PLPPR1: variants seen among roughly 807,000 people sequenced by gnomAD.
PLPPR1 encodes the protein phospholipid phosphatase-related protein type 1.
Under a neutral mutation model 33.1 loss-of-function variants are expected in PLPPR1, and 10 were observed. That is an observed-to-expected ratio of 0.30 (90% CI 0.19 to 0.51). PLPPR1 has a LOEUF of 0.51. PLPPR1 is among the 20% of genes least tolerant of loss of function. The pLI is 0.97. For synonymous variants in PLPPR1, 151 were observed against 151.0 expected (o/e 1.00, Z 0.00); for missense variants, 304 against 408.1 (o/e 0.74, Z 2.20).
chr9:101,184,403 A>G (rs544623005), intron 1 of PLPPR1, among the ~76,000 whole-genome samples: 1 of 152,040 alleles, frequency 6.6e-6, no homozygotes, highest in African/African-American at 2.4e-5. Flanking sequence ...AAATGAAGAC[A>G]TTAAAATTAA....
At position 101,065,300 on chromosome 9, in the gene PLPPR1, T is replaced by C. The variant is rs185080578; in HGVS notation, c.-46+36198T>C. On this transcript the variant is annotated intron_variant, in intron 1 of 7. Coordinates refer to ENST00000374874, the MANE Select transcript of PLPPR1 (RefSeq NM_207299.2). ...CAGAACTTCTTATTTGAAAAATGCC[T>C]CCTCTGCAGGGTATTGTAGATGTCA... is the stretch of plus-strand genomic sequence containing the variant. Among the ~76,000 whole-genome samples the C allele has an allele frequency of 2.6e-3, 389 of 152,184 alleles. 1 individual carries two copies. The highest frequency in any genetic ancestry group is 8.7e-3 in the African/African-American group (361 of 41,558).
At chr9:101,322,328 A>G (rs551751303) in intron 7 of PLPPR1, 2 of 152,120 alleles carry the variant, frequency 1.3e-5, no homozygotes, top group Admixed American at 1.3e-4. Flanking sequence ...TTTAAGTTCA[A>G]ATAAAAGACA....
intron 3 of PLPPR1, 149 bp from the exon 4 acceptor site, chr9:101,285,955 A>G: frequency 1.7e-6 from 1 of 586,612 alleles, no homozygotes; most frequent in Admixed American, 2.8e-5. Context: ...GAAGTGTTAA[A>G]TGCAAATTAC....
intron 1 of PLPPR1, among the ~76,000 whole-genome samples, chr9:101,110,035 A>G (rs2118572792): frequency 6.6e-6 from 1 of 152,330 alleles, no homozygotes; most frequent in South Asian, 2.1e-4. Flanking sequence ...ACAGTACTAA[A>G]AGAAAACAGC....
intron 1 of PLPPR1, among the ~76,000 whole-genome samples, chr9:101,033,677 A>C (rs748130652): frequency 6.6e-6 from 1 of 152,156 alleles, no homozygotes; most frequent in Admixed American, 6.5e-5. Flanking sequence ...AACAGTCCCA[A>C]CTGTGCCAGG....
rs1828981243 is a variant in PLPPR1 at position 101,312,792 on chromosome 9, T to C, written c.637-6T>C. 2 of 1,613,802 alleles carry C rather than the reference T, an allele frequency of 1.2e-6. No homozygotes were observed. Among genetic ancestry groups the C allele is most frequent in the East Asian group, 4.5e-5 (2 of 44,872 alleles). ...TGGTCACTCCCTGGCCTCTGTCCTA[T>C]TCCAGATGTATATTACAAGCACAAT... On this transcript the variant is annotated splice_region_variant and splice_polypyrimidine_tract_variant and intron_variant, in intron 5 of 7. Coordinates refer to ENST00000374874, the MANE Select transcript of PLPPR1 (RefSeq NM_207299.2).
chr9:101,117,879 A>C (rs1161321681), intron 1 of PLPPR1, among the ~76,000 whole-genome samples: 1 of 152,188 alleles, frequency 6.6e-6, no homozygotes, highest in Non-Finnish European at 1.5e-5. Context: ...GTATTCTCAT[A>C]ATCACCATAG....
chr9:101,154,137 T>C (rs1831640620), intron 1 of PLPPR1, among the ~76,000 whole-genome samples: 1 of 152,236 alleles, frequency 6.6e-6, no homozygotes, highest in South Asian at 2.1e-4. Flanking sequence ...GATTTTTGCA[T>C]TGATGTTCAT....
intron 1 of PLPPR1, among the ~76,000 whole-genome samples, chr9:101,129,244 G>A (rs1166737597): frequency 6.6e-6 from 1 of 151,934 alleles, no homozygotes; most frequent in Non-Finnish European, 1.5e-5. Flanking sequence ...TGGAGCAATT[G>A]GAACTCTCAT....
At chr9:101,309,540 A>G (rs1828919237) in intron 5 of PLPPR1, 79 bp downstream of exon 5, 2 of 1,473,802 alleles carry the variant, frequency 1.4e-6, no homozygotes, top group African/African-American at 1.4e-5. Context: ...CCATTCTTTC[A>G]TTGTCACTTA....
chr9:101,257,058 C>T (rs1040161475), intron 2 of PLPPR1, among the ~76,000 whole-genome samples: 2 of 152,026 alleles, frequency 1.3e-5, no homozygotes, highest in Non-Finnish European at 2.9e-5. Flanking sequence ...GTGGGGGAAG[C>T]TCTGTGTTCA....
intron 1 of PLPPR1, chr9:101,125,737 G>C (rs1831238435): frequency 1.2e-6 from 1 of 813,392 alleles, no homozygotes; most frequent in Non-Finnish European, 1.9e-6. Context: ...CAATGAATTT[G>C]TGGTTATAAT....
chr9:101,249,410 A>G (rs1485731083), intron 2 of PLPPR1, among the ~76,000 whole-genome samples: 1 of 152,078 alleles, frequency 6.6e-6, no homozygotes, highest in Non-Finnish European at 1.5e-5. Flanking sequence ...GGGGTGGCCC[A>G]ATTATAAACG....
At chr9:101,106,107 G>T (rs1830965376) in intron 1 of PLPPR1, among the ~76,000 whole-genome samples, 1 of 151,364 alleles carries the variant, frequency 6.6e-6, no homozygotes, top group South Asian at 2.1e-4. Flanking sequence ...TATCCAACTT[G>T]CCAGTCTGTG....
chr9:101,301,295 C>A (rs971952018), intron 4 of PLPPR1, among the ~76,000 whole-genome samples: 2 of 152,106 alleles, frequency 1.3e-5, no homozygotes, highest in Non-Finnish European at 2.9e-5. Flanking sequence ...TTTCTTATAT[C>A]TTTCCTGCAT....
At chr9:101,044,331 T>A (rs1830119937) in intron 1 of PLPPR1, among the ~76,000 whole-genome samples, 1 of 152,202 alleles carries the variant, frequency 6.6e-6, no homozygotes, top group African/African-American at 2.4e-5. Flanking sequence ...TAGACAACTT[T>A]GCAGTTCATA....
chr9:101,134,235 T>G (rs1220063892), intron 1 of PLPPR1, among the ~76,000 whole-genome samples: 1 of 152,204 alleles, frequency 6.6e-6, no homozygotes, highest in Non-Finnish European at 1.5e-5. Context: ...CTTTACTGAC[T>G]GCTTAAGAAT....
chr9:101,174,558 C>A (rs1444314186), intron 1 of PLPPR1, among the ~76,000 whole-genome samples: 1 of 152,138 alleles, frequency 6.6e-6, no homozygotes, highest in Non-Finnish European at 1.5e-5. Context: ...GTGGCTCTGA[C>A]TTTGCACAGC....
At chr9:101,131,957 T>C (rs1235769908) in intron 1 of PLPPR1, among the ~76,000 whole-genome samples, 1 of 152,210 alleles carries the variant, frequency 6.6e-6, no homozygotes, top group African/African-American at 2.4e-5. Context: ...CCAGCACTGA[T>C]ATGAGTTGAA....
Sources: allele counts gnomAD v4.1 joint callset (sites outside exome capture counted in the v4.1 genomes callset), GRCh38; gene constraint gnomAD v4.1.1; transcripts MANE v1.5; gene names NCBI Gene and HGNC (gene_info 2026-07-23, HGNC 2026-07-21).